The following SGMS1 variants were observed in gnomAD, a reference collection of about 807,000 sequenced individuals.
SGMS1 encodes the protein sphingomyelin synthase 1.
Under a neutral mutation model 46.2 loss-of-function variants are expected in SGMS1, and 13 were observed. The ratio of observed to expected loss-of-function variants is 0.28; its 90% confidence interval spans 0.18 to 0.45. The LOEUF (loss-of-function observed/expected upper bound fraction) is 0.45. SGMS1 is among the 20% of genes least tolerant of loss of function. The pLI, the probability that SGMS1 is intolerant of heterozygous loss-of-function variation, is 1.00. For synonymous variants in SGMS1, 203 were observed against 187.8 expected (o/e 1.08, Z -0.66); for missense variants, 324 against 519.9 (o/e 0.62, Z 3.66).
intron 1 of SGMS1, among the ~76,000 whole-genome samples, chr10:50,614,094 G>T (rs1251490057): frequency 6.6e-6 from 1 of 151,340 alleles, no homozygotes; most frequent in Admixed American, 6.6e-5. Context: ...GGGATAAGTG[G>T]TGAACAGGAA....
chr10:50,614,898 G>A (rs184990190), intron 1 of SGMS1, among the ~76,000 whole-genome samples: 2 of 152,346 alleles, frequency 1.3e-5, no homozygotes, highest in East Asian at 3.9e-4. Context: ...CTCAAAAAAG[G>A]TATGATGACA....
intron 6 of SGMS1, among the ~76,000 whole-genome samples, chr10:50,421,015 G>A (rs940900559): frequency 5.3e-5 from 8 of 152,310 alleles, no homozygotes; most frequent in African/African-American, 1.9e-4. Flanking sequence ...TAATCCTTAT[G>A]CTTCAGAAAT....
intron 3 of SGMS1, among the ~76,000 whole-genome samples, chr10:50,494,059 A>C (rs1837589746): frequency 6.6e-6 from 1 of 152,258 alleles, no homozygotes. Context: ...GGCCTCCCAA[A>C]GTGCTGGGAT....
intron 4 of SGMS1, among the ~76,000 whole-genome samples, chr10:50,466,339 G>C (rs1020722571): frequency 2.6e-5 from 4 of 151,672 alleles, no homozygotes; most frequent in African/African-American, 9.7e-5. Flanking sequence ...GGAAGGAAAG[G>C]AGGGAGGAAG....
intron 6 of SGMS1, among the ~76,000 whole-genome samples, chr10:50,359,790 C>T (rs1177259170): frequency 2.0e-5 from 3 of 151,960 alleles, no homozygotes; most frequent in African/African-American, 7.2e-5. Context: ...ACTGTATTTC[C>T]ATATCTATAG....
intron 5 of SGMS1, among the ~76,000 whole-genome samples, chr10:50,452,433 C>T (rs1837121867): frequency 6.6e-6 from 1 of 152,038 alleles, no homozygotes; most frequent in African/African-American, 2.4e-5. Context: ...TAAAACAAAA[C>T]AACAAAATAG....
chr10:50,596,896 T>C (rs1838599905), intron 1 of SGMS1, among the ~76,000 whole-genome samples: 1 of 152,232 alleles, frequency 6.6e-6, no homozygotes, highest in South Asian at 2.1e-4. Flanking sequence ...CAGTGACTGC[T>C]AGTCCCACAG....
chr10:50,371,192 G>A (rs762744874), intron 6 of SGMS1, among the ~76,000 whole-genome samples: 3 of 152,166 alleles, frequency 2.0e-5, no homozygotes, highest in Non-Finnish European at 4.4e-5. Context: ...GGCTATATAG[G>A]TTTTTTCATC....
intron 1 of SGMS1, among the ~76,000 whole-genome samples, chr10:50,621,195 A>C (rs1274393762): frequency 1.3e-5 from 2 of 152,020 alleles, no homozygotes; most frequent in African/African-American, 2.4e-5. Flanking sequence ...AACAAACAAA[A>C]AAAAACTGAT....
intron 6 of SGMS1, among the ~76,000 whole-genome samples, chr10:50,360,928 A>T (rs1210744813): frequency 3.3e-5 from 5 of 152,328 alleles, no homozygotes; most frequent in Admixed American, 3.3e-4. Flanking sequence ...ATGGCTTAGG[A>T]AAAGGGTGAG....
chr10:50,553,224 TA>T (rs1394856435), intron 2 of SGMS1, among the ~76,000 whole-genome samples: 1 of 152,188 alleles, frequency 6.6e-6, no homozygotes, highest in Non-Finnish European at 1.5e-5. Context: ...GGAAAGAGTA[TA>T]ATTCAGTGGT....
upstream of SGMS1, chr10:50,624,715 G>GGTTT (rs1192659899): frequency 2.0e-6 from 2 of 985,310 alleles, no homozygotes; most frequent in African/African-American, 3.5e-5. Flanking sequence ...CCTGAAGGAA[G>GGTTT]GTTTTCCTCT....
intron 6 of SGMS1, among the ~76,000 whole-genome samples, chr10:50,384,081 C>A (rs992130197): frequency 5.3e-5 from 8 of 152,122 alleles, no homozygotes; most frequent in African/African-American, 1.9e-4. Context: ...CAGCTAGCAC[C>A]TGGATCATGG....
chr10:50,581,550 C>T (rs548291540), intron 2 of SGMS1, among the ~76,000 whole-genome samples: 2 of 152,200 alleles, frequency 1.3e-5, no homozygotes, highest in East Asian at 1.9e-4. Context: ...TTAAAGGCAA[C>T]GAAGGAACTA....
At chr10:50,392,891 T>C (rs1848794494) in intron 6 of SGMS1, among the ~76,000 whole-genome samples, 1 of 152,204 alleles carries the variant, frequency 6.6e-6, no homozygotes. Flanking sequence ...TTACATTCTG[T>C]GTTTTTTTAA....
chr10:50,500,083 G>A (rs1256616144), intron 3 of SGMS1, among the ~76,000 whole-genome samples: 4 of 152,182 alleles, frequency 2.6e-5, no homozygotes, highest in African/African-American at 7.2e-5. Context: ...CAAGAGGATC[G>A]CTTGAACCCG....
chr10:50,516,512 G>A (rs1837807744), intron 3 of SGMS1, among the ~76,000 whole-genome samples: 2 of 152,172 alleles, frequency 1.3e-5, no homozygotes, highest in African/African-American at 4.8e-5. Flanking sequence ...TAAGTACTCT[G>A]TTCTAATGAG....
chr10:50,560,060 AATAAT>A (rs139467320), intron 2 of SGMS1, among the ~76,000 whole-genome samples: 41,671 of 146,914 alleles, frequency 0.28, 6,690 homozygotes, highest in Middle Eastern at 0.38. Flanking sequence ...ATAAAATATA[AATAAT>A]ATAATATATA....
intron 5 of SGMS1, among the ~76,000 whole-genome samples, chr10:50,453,404 G>A (rs569617439): frequency 1.3e-5 from 2 of 151,404 alleles, no homozygotes; most frequent in South Asian, 2.1e-4. Context: ...GGATAAAACT[G>A]TAGGATAAAA....
Sources: gnomAD v4.1 joint callset for allele counts (sites outside exome capture counted in the v4.1 genomes callset) on GRCh38, gnomAD v4.1.1 for gene constraint, MANE v1.5 for transcripts, NCBI Gene and HGNC (gene_info 2026-07-23, HGNC 2026-07-21) for gene names.